Variants in USP34 observed in about 807,000 individuals in gnomAD.
USP34 encodes ubiquitin carboxyl-terminal hydrolase 34.
USP34 carries 70 observed loss-of-function variants against 460.3 expected under a neutral mutation model. That is an observed-to-expected ratio of 0.15 (90% CI 0.13 to 0.19). The LOEUF is 0.19. Ranked by LOEUF, USP34 falls within the 10% of genes least tolerant of loss-of-function variation. The pLI, the probability that USP34 is intolerant of heterozygous loss-of-function variation, is 1.00. For missense variants in USP34, 3,985 were observed against 4,236.2 expected (o/e 0.94, Z 1.65); for synonymous variants, 1,647 against 1,405.3 (o/e 1.17, Z -3.85).
At position 61,188,019 on chromosome 2, in the gene USP34, A is replaced by C. The variant is rs1384510860; in HGVS notation, c.*83T>G. 1 of 1,523,910 alleles carries C rather than the reference A, an allele frequency of 6.6e-7. No homozygotes were observed. The highest frequency in any genetic ancestry group is 8.8e-7 in the Non-Finnish European group (1 of 1,138,924). 94.4% of individuals were successfully genotyped at this position (1,523,910 alleles called of 1,614,324 possible). A position where few individuals can be genotyped will look rare whatever the true frequency, so the allele number is the denominator to read the frequency against. On this transcript the variant is annotated 3_prime_UTR_variant, in exon 80 of 80. Transcript: ENST00000398571. ...CAGAGAGCACTGGACAAACTGAAGCACAAAAACAAATAAGCAAAACTTATA... is the reference window on the plus strand; with the variant it reads ...CAGAGAGCACTGGACAAACTGAAGCCCAAAAACAAATAAGCAAAACTTATA...
At chr2:61,229,482 AAAAAAACAAAAAC>A in intron 59 of USP34, 53 bp downstream of exon 59, 133 of 799,538 alleles carry the variant, frequency 1.7e-4, no homozygotes, top group South Asian at 2.6e-4. Flanking sequence ...AAAACAAAAA[AAAAAAACAAAAAC>A]ACCACACACA....
At chr2:61,462,036 A>C (rs1489643836) in intron 1 of USP34, among the ~76,000 whole-genome samples, 1 of 151,092 alleles carries the variant, frequency 6.6e-6, no homozygotes, top group Non-Finnish European at 1.5e-5. Flanking sequence ...TCAGGAGTTC[A>C]AGACCAGCCT....
At chr2:61,376,806 C>T (rs1417106092) in intron 8 of USP34, among the ~76,000 whole-genome samples, 4 of 152,124 alleles carry the variant, frequency 2.6e-5, no homozygotes, top group Admixed American at 2.0e-4. Flanking sequence ...CGCCACCACA[C>T]CTAATTTTTG....
At chr2:61,306,833 G>A (rs1289481538) in intron 27 of USP34, among the ~76,000 whole-genome samples, 7 of 152,334 alleles carry the variant, frequency 4.6e-5, no homozygotes, top group Non-Finnish European at 1.0e-4. Flanking sequence ...TGGAGAGGAT[G>A]TGGAGAAATA....
chr2:61,297,818 C>T (rs1267127214), intron 29 of USP34, among the ~76,000 whole-genome samples: 3 of 152,172 alleles, frequency 2.0e-5, no homozygotes, highest in Admixed American at 2.0e-4. Flanking sequence ...TCTCAGCTCA[C>T]TGCAACCTCC....
intron 68 of USP34, among the ~76,000 whole-genome samples, chr2:61,212,368 A>T (rs1355345240): frequency 6.6e-6 from 1 of 152,220 alleles, no homozygotes; most frequent in Non-Finnish European, 1.5e-5. Flanking sequence ...GTAAACCCAG[A>T]GGCATGCCAC....
At chr2:61,201,211 GTTTTTTT>G (rs59199472) in intron 75 of USP34, among the ~76,000 whole-genome samples, 6 of 101,382 alleles carry the variant, frequency 5.9e-5, no homozygotes, top group African/African-American at 1.9e-4. Context: ...CTCATAGAAA[GTTTTTTT>G]TTTTTTTTTT....
At chr2:61,270,228 G>C (rs1689172254) in intron 41 of USP34, among the ~76,000 whole-genome samples, 1 of 152,154 alleles carries the variant, frequency 6.6e-6, no homozygotes, top group Non-Finnish European at 1.5e-5. Flanking sequence ...AAGCAGTAGA[G>C]AGACCTCCTA....
At chr2:61,301,217 G>T (rs1394733127) in intron 28 of USP34, 57 bp from the exon 29 acceptor site, 1 of 1,545,916 alleles carries the variant, frequency 6.5e-7, no homozygotes, top group Non-Finnish European at 8.7e-7. Context: ...TAATAAAACG[G>T]TAAATCTGAA....
At chr2:61,237,075 T>C (rs1044450555) in intron 53 of USP34, among the ~76,000 whole-genome samples, 1 of 152,174 alleles carries the variant, frequency 6.6e-6, no homozygotes, top group African/African-American at 2.4e-5. Context: ...TATCCCTCTT[T>C]GCCTCTCCAG....
At chr2:61,204,460 G>A (rs562386427) in intron 73 of USP34, 37 bp downstream of exon 73, 8 of 1,611,900 alleles carry the variant, frequency 5.0e-6, no homozygotes, top group Admixed American at 1.7e-5. Context: ...GATTAAATGC[G>A]AACCATATTG....
At chr2:61,425,073 C>T (rs1489440783) in intron 1 of USP34, among the ~76,000 whole-genome samples, 1 of 152,122 alleles carries the variant, frequency 6.6e-6, no homozygotes, top group Non-Finnish European at 1.5e-5. Context: ...CTGCCTTGGC[C>T]TCCTGGGATT....
At chr2:61,212,000 A>G (rs1422928812) in intron 68 of USP34, 71 bp from the exon 69 acceptor site, 3 of 1,457,606 alleles carry the variant, frequency 2.1e-6, no homozygotes, top group East Asian at 2.5e-5. Flanking sequence ...TCTCATTTCT[A>G]CGTTCATTAA....
At chr2:61,461,665 C>T (rs1695604537) in intron 1 of USP34, among the ~76,000 whole-genome samples, 1 of 152,140 alleles carries the variant, frequency 6.6e-6, no homozygotes, top group South Asian at 2.1e-4. Flanking sequence ...GCTAAAATAA[C>T]ACTTTCTAAA....
chr2:61,428,844 T>C (rs1694583922), intron 1 of USP34, among the ~76,000 whole-genome samples: 1 of 152,124 alleles, frequency 6.6e-6, no homozygotes, highest in Admixed American at 6.5e-5. Flanking sequence ...AATTATGTAT[T>C]GAAACAGTAA....
intron 3 of USP34, among the ~76,000 whole-genome samples, chr2:61,401,455 C>T (rs1007504542): frequency 6.6e-6 from 1 of 150,940 alleles, no homozygotes. Context: ...CCAGCCTAGA[C>T]TTAAACTCCT....
chr2:61,468,196 G>GT (rs1053567926), intron 1 of USP34, among the ~76,000 whole-genome samples: 1 of 151,986 alleles, frequency 6.6e-6, no homozygotes, highest in African/African-American at 2.4e-5. Context: ...TAAAAAAAAT[G>GT]TTTTTTGAGA....
At chr2:61,449,539 A>G (rs964630102) in intron 1 of USP34, among the ~76,000 whole-genome samples, 1 of 152,082 alleles carries the variant, frequency 6.6e-6, no homozygotes, top group Non-Finnish European at 1.5e-5. Context: ...AAAAAAAACA[A>G]AGATTTACAC....
intron 21 of USP34, among the ~76,000 whole-genome samples, chr2:61,323,159 C>G (rs1049060069): frequency 6.6e-6 from 1 of 152,104 alleles, no homozygotes; most frequent in Non-Finnish European, 1.5e-5. Context: ...GCAGGAGGAT[C>G]GCTTGAGTCC....
Sources: allele counts gnomAD v4.1 joint callset (sites outside exome capture counted in the v4.1 genomes callset), GRCh38; gene constraint gnomAD v4.1.1; transcripts MANE v1.5; gene names NCBI Gene and HGNC (gene_info 2026-07-23, HGNC 2026-07-21).